Variants in IFNAR2 observed in about 807,000 individuals in gnomAD.
IFNAR2 encodes the protein interferon alpha/beta receptor 2.
IFNAR2 carries 30 observed loss-of-function variants against 49.4 expected under a neutral mutation model. The observed-to-expected ratio is 0.61, with a 90% CI of 0.45 to 0.82. IFNAR2 has a LOEUF of 0.82. IFNAR2 is among the 40% of genes least tolerant of loss of function. IFNAR2 has a pLI of 0.00. For missense variants in IFNAR2, 600 were observed against 622.7 expected (o/e 0.96, Z 0.39); for synonymous variants, 224 against 234.5 (o/e 0.96, Z 0.41).
chr21:33,260,151 A>G (rs1988466981), intron 7 of IFNAR2, among the ~76,000 whole-genome samples: 1 of 152,218 alleles, frequency 6.6e-6, no homozygotes, highest in Non-Finnish European at 1.5e-5. Context: ...CAGCGTGGCT[A>G]AAGTCCAGCC....
chr21:33,253,575 G>T (rs565887578), intron 7 of IFNAR2, among the ~76,000 whole-genome samples: 1 of 152,106 alleles, frequency 6.6e-6, no homozygotes, highest in Non-Finnish European at 1.5e-5. Context: ...TGGATCTTGC[G>T]CAAGAAAGAA....
Position 33,262,940 on chromosome 21 carries a change from C to T in IFNAR2, c.988C>T (p.Pro330Ser). ...DESDSDTEAAPRTSGGGYTMH... is the reference protein window; with the variant it reads ...DESDSDTEAASRTSGGGYTMH... ...AAGTGATAGCGATACTGAGGCAGCGCCCAGGACAAGTGGCGGTGGCTATAC... is the reference window on the plus strand; with the variant it reads ...AAGTGATAGCGATACTGAGGCAGCGTCCAGGACAAGTGGCGGTGGCTATAC... Residue 330 changes from proline (P) to serine (S), a missense_variant, in exon 9 of 9, where the codon CCC (proline) becomes TCC (serine). By Grantham distance (74) the Pro-to-Ser change is moderately conservative. Transcript: ENST00000342136. 1.9e-6 allele frequency: 3 copies of T among 1,614,186 alleles called. No homozygotes were observed. Among genetic ancestry groups the T allele is most frequent in the Non-Finnish European group, 2.5e-6 (3 of 1,180,024 alleles).
At chr21:33,252,338 C>T (rs1296925518) in intron 6 of IFNAR2, 1 of 647,140 alleles carries the variant, frequency 1.5e-6, no homozygotes, top group Non-Finnish European at 2.3e-6. Flanking sequence ...CACACACTGT[C>T]CATGAGAGAA....
At chr21:33,238,024 G>A (rs532947402) in intron 1 of IFNAR2, among the ~76,000 whole-genome samples, 1 of 152,164 alleles carries the variant, frequency 6.6e-6, no homozygotes, top group East Asian at 1.9e-4. Context: ...TTTCTTTATG[G>A]CCCAGGACAT....
rs1988720148 is a variant in IFNAR2 at position 33,262,772 on chromosome 21, CTCT to C, written c.841-19_841-17del. 28 of 1,554,288 alleles carry C rather than the reference CTCT, an allele frequency of 1.8e-5. No homozygotes were observed. The East Asian group carries it at 1.9e-4, about 10-fold the overall frequency. On this transcript the variant is annotated intron_variant, in intron 8 of 8. Transcript: ENST00000342136. ...AGTACAGCTGATACGGACTCTCTCTCTCTTTTTTTTTTTTTTTAAGAATTTTCA... is the reference window on the plus strand; with the variant it reads ...AGTACAGCTGATACGGACTCTCTCTCTTTTTTTTTTTTTTAAGAATTTTCA...
At chr21:33,246,922 C>G (rs371130233) in intron 5 of IFNAR2, 32 bp downstream of exon 5, 2 of 1,562,056 alleles carry the variant, frequency 1.3e-6, no homozygotes, top group Admixed American at 3.4e-5. Flanking sequence ...CCACTTCGTC[C>G]CCATCATCAA....
intron 2 of IFNAR2, among the ~76,000 whole-genome samples, chr21:33,243,181 C>G (rs144683777): frequency 6.6e-6 from 1 of 151,810 alleles, no homozygotes; most frequent in Non-Finnish European, 1.5e-5. Flanking sequence ...CTCCTGGGTT[C>G]GAGCTATTCT....
chr21:33,247,036 C>T (rs1010494999), intron 5 of IFNAR2, 146 bp downstream of exon 5: 19 of 630,262 alleles, frequency 3.0e-5, no homozygotes, highest in East Asian at 2.8e-4. Flanking sequence ...GCTCTGTAAC[C>T]GTGGACTGCT....
chr21:33,236,188 G>T (rs1183003395), intron 1 of IFNAR2, among the ~76,000 whole-genome samples: 2 of 152,098 alleles, frequency 1.3e-5, no homozygotes, highest in African/African-American at 2.4e-5. Flanking sequence ...ACCCAAGGGA[G>T]CCCTCCCTCA....
At chr21:33,258,119 A>C (rs1349090360) in intron 7 of IFNAR2, among the ~76,000 whole-genome samples, 1 of 152,176 alleles carries the variant, frequency 6.6e-6, no homozygotes, top group Non-Finnish European at 1.5e-5. Flanking sequence ...AGCCTAGCCA[A>C]CGTGGTAAAA....
At chr21:33,243,753 G>T (rs1987178581) in intron 3 of IFNAR2, 39 bp downstream of exon 3, 3 of 1,434,800 alleles carry the variant, frequency 2.1e-6, no homozygotes, top group Admixed American at 3.3e-5. Context: ...TTTTGTATAA[G>T]AGTGAAAGTG....
Position 33,229,997 on chromosome 21 carries a change from C to A in IFNAR2, c.-303C>A, listed in dbSNP as rs1156243037. The A allele has an allele frequency of 6.1e-6, 6 of 984,568 alleles. No individual in the cohort carries two copies. The African/African-American group carries it at 1.1e-4, about 17-fold the overall frequency. 61.0% of individuals were successfully genotyped at this position (984,568 alleles called of 1,614,324 possible). ...CACCCGCACTAAAGACGCTTCTTCC[C>A]GGCGGGTAGGAATCCCGCCGGCGAG... On this transcript the variant is annotated 5_prime_UTR_variant, in exon 1 of 9. Coordinates refer to ENST00000342136, the MANE Select transcript of IFNAR2 (RefSeq NM_001289125.3).
rs887881380 is a variant in IFNAR2, at chr21:33,230,497, C to T, written c.-84+281C>T. 4.3e-6 allele frequency: 2 copies of T among 470,326 alleles called. No individual in the cohort carries two copies. Among genetic ancestry groups the T allele is most frequent in the Admixed American group, 4.7e-5 (2 of 42,424 alleles). The allele number at this position is 470,326 out of a possible 1,614,324, so 29.1% of individuals were successfully genotyped here. A position where few individuals can be genotyped will look rare whatever the true frequency, so the allele number is the denominator to read the frequency against. On this transcript the variant is annotated intron_variant, in intron 1 of 8. Transcript: ENST00000342136. The surrounding 1 kb of genome is among the most constrained non-coding windows in gnomAD (Gnocchi z 5.5). ...GGGAGTCCGCTTTCGTTGCACCCCT[C>T]CGCGTCCCACCCCACCCCACCAAGG...
chr21:33,249,343 CAAAA>C (rs58744346), intron 6 of IFNAR2, among the ~76,000 whole-genome samples: 87 of 107,172 alleles, frequency 8.1e-4, no homozygotes, highest in Non-Finnish European at 8.6e-4. Flanking sequence ...GACTCCGTCT[CAAAA>C]AAAAAAAAAA....
chr21:33,234,568 C>T (rs1006144577), intron 1 of IFNAR2, among the ~76,000 whole-genome samples: 2 of 152,110 alleles, frequency 1.3e-5, no homozygotes, highest in African/African-American at 2.4e-5. Context: ...TATGAGGCAG[C>T]GAGTTCCTGG....
At chr21:33,233,602 A>G (rs183019271) in intron 1 of IFNAR2, among the ~76,000 whole-genome samples, 84 of 152,326 alleles carry the variant, frequency 5.5e-4, no homozygotes, top group African/African-American at 1.1e-3. Context: ...TAAATGCCAG[A>G]CTATGATGGT....
intron 7 of IFNAR2, among the ~76,000 whole-genome samples, chr21:33,253,862 G>A (rs937504348): frequency 2.0e-5 from 3 of 152,042 alleles, no homozygotes; most frequent in Non-Finnish European, 2.9e-5. Flanking sequence ...GGTTTTGGCC[G>A]GCTTTACTGC....
intron 6 of IFNAR2, among the ~76,000 whole-genome samples, chr21:33,249,620 G>GT (rs1357736996): frequency 6.6e-6 from 1 of 152,170 alleles, no homozygotes; most frequent in Non-Finnish European, 1.5e-5. Flanking sequence ...GGGTTATCTG[G>GT]TATCAGACAG....
At chr21:33,236,752 A>G (rs529038108) in intron 1 of IFNAR2, 377 of 985,180 alleles carry the variant, frequency 3.8e-4, no homozygotes, top group Non-Finnish European at 4.4e-4. Flanking sequence ...CCTAGCACAA[A>G]ACTCACATTG....
Sources: allele counts gnomAD v4.1 joint callset (sites outside exome capture counted in the v4.1 genomes callset), GRCh38; gene constraint gnomAD v4.1.1; non-coding constraint Gnocchi (gnomAD v3.1); transcripts MANE v1.5; gene names NCBI Gene and HGNC (gene_info 2026-07-23, HGNC 2026-07-21).